Variants in PAK1IP1 observed in about 807,000 individuals in gnomAD.
PAK1IP1 encodes p21-activated protein kinase-interacting protein 1.
PAK1IP1 carries 24 observed loss-of-function variants against 42.0 expected under a neutral mutation model. The observed-to-expected ratio is 0.57, with a 90% CI of 0.41 to 0.80. PAK1IP1 has a LOEUF of 0.80. Ranked by LOEUF, PAK1IP1 falls within the 30% of genes least tolerant of loss-of-function variation. PAK1IP1 has a pLI of 0.00. For missense variants in PAK1IP1, 411 were observed against 467.9 expected (o/e 0.88, Z 1.12); for synonymous variants, 154 against 156.7 (o/e 0.98, Z 0.13).
In PAK1IP1 at chr6:10,704,794, T is replaced by G. The variant is rs1248330092; in HGVS notation, c.690T>G (p.Phe230Leu). Reference sequence around the variant, plus strand: ...GAGATGAAGAAGTTATAAGGTTTTTTGACTGTGATTCACTAGTGTGCCTCT... The same window carrying G: ...GAGATGAAGAAGTTATAAGGTTTTTGGACTGTGATTCACTAGTGTGCCTCT... ...VAGDEEVIRFFDCDSLVCLCE... is the reference protein window; with the variant it reads ...VAGDEEVIRFLDCDSLVCLCE... Residue 230 changes from phenylalanine to leucine, a missense_variant, in exon 7 of 10, where the codon TTT becomes TTG. Phe to Leu is a conservative substitution (Grantham distance 22). Transcript: ENST00000379568. 13 of 1,613,930 alleles carry G rather than the reference T, an allele frequency of 8.1e-6. No individual in the cohort carries two copies. Among genetic ancestry groups the G allele is most frequent in the Non-Finnish European group, 1.1e-5 (13 of 1,179,772 alleles).
chr6:10,699,108 G>C (rs1769947548), intron 2 of PAK1IP1, among the ~76,000 whole-genome samples: 1 of 150,888 alleles, frequency 6.6e-6, no homozygotes, highest in Non-Finnish European at 1.5e-5. Flanking sequence ...GCTGAGGCAG[G>C]AGAATCGCTT....
intron 2 of PAK1IP1, among the ~76,000 whole-genome samples, chr6:10,698,694 C>A (rs532932889): frequency 3.3e-5 from 5 of 152,154 alleles, no homozygotes; most frequent in Non-Finnish European, 7.3e-5. Flanking sequence ...AGAACCCCAA[C>A]AGAAGGACTG....
At chr6:10,699,200 CAA>C (rs796680429) in intron 2 of PAK1IP1, among the ~76,000 whole-genome samples, 82 of 55,386 alleles carry the variant, frequency 1.5e-3, no homozygotes, top group African/African-American at 3.1e-3. Context: ...GACTCTGTCT[CAA>C]AAAAAAAAAA....
chr6:10,697,223 A>G, intron 1 of PAK1IP1, 101 bp from the exon 2 acceptor site: 1 of 945,190 alleles, frequency 1.1e-6, no homozygotes. Context: ...ATCTTTTCAG[A>G]AACAGATAAA....
chr6:10,694,589 A>AAT, upstream of PAK1IP1: 1 of 178,142 alleles, frequency 5.6e-6, no homozygotes. Flanking sequence ...TGCCGGCGCT[A>AAT]CAGCCCCTAA....
At chr6:10,703,968 C>T (rs9467298) in intron 5 of PAK1IP1, among the ~76,000 whole-genome samples, 2,593 of 152,136 alleles carry the variant, frequency 0.017, 75 homozygotes, top group African/African-American at 0.059. Flanking sequence ...TTTTGTGGCT[C>T]TGCCACCTGC....
At chr6:10,703,498 T>C in intron 5 of PAK1IP1, 41 bp downstream of exon 5, 1 of 1,433,652 alleles carries the variant, frequency 7.0e-7, no homozygotes, top group Non-Finnish European at 9.7e-7. Flanking sequence ...GCATTCCTAA[T>C]CTGGAAATCT....
At chr6:10,697,035 T>C (rs1332127842) in intron 1 of PAK1IP1, among the ~76,000 whole-genome samples, 2 of 152,198 alleles carry the variant, frequency 1.3e-5, no homozygotes, top group East Asian at 3.8e-4. Context: ...CTTAGTCCAG[T>C]CTCCATTACT....
At chr6:10,702,290 C>T (rs1479310347) in intron 2 of PAK1IP1, 79 bp from the exon 3 acceptor site, 1 of 1,194,598 alleles carries the variant, frequency 8.4e-7, no homozygotes, top group African/African-American at 1.5e-5. Flanking sequence ...TTTTACTTAG[C>T]ATAGCATAGC....
In PAK1IP1 at chr6:10,704,437, A is replaced by G. The variant is rs1770136690; in HGVS notation, c.497-70A>G. 21 of 882,042 alleles carry G rather than the reference A, an allele frequency of 2.4e-5. No individual in the cohort carries two copies. In the South Asian group the frequency reaches 3.3e-4, roughly 14 times the overall value. 54.6% of individuals were successfully genotyped at this position (882,042 alleles called of 1,614,324 possible). A position where few individuals can be genotyped will look rare whatever the true frequency, so the allele number is the denominator to read the frequency against. Reference sequence around the variant, plus strand: ...AAAATGCACAGTATAAATATTTGCTATTTTTATTACTATGATCATTTTATG... The same window carrying G: ...AAAATGCACAGTATAAATATTTGCTGTTTTTATTACTATGATCATTTTATG... On this transcript the variant is annotated intron_variant, in intron 5 of 9. Coordinates refer to ENST00000379568, the MANE Select transcript of PAK1IP1 (RefSeq NM_017906.3).
chr6:10,706,177 G>C (rs2127481466), intron 7 of PAK1IP1, among the ~76,000 whole-genome samples: 1 of 152,184 alleles, frequency 6.6e-6, no homozygotes, highest in South Asian at 2.1e-4. Context: ...AATTGGTTTA[G>C]ATAGGATGAT....
intron 7 of PAK1IP1, among the ~76,000 whole-genome samples, chr6:10,706,928 G>A (rs1282516667): frequency 1.3e-5 from 2 of 151,884 alleles, no homozygotes; most frequent in East Asian, 3.9e-4. Flanking sequence ...AAAGAAAATT[G>A]TTAAGGGGCA....
At position 10,708,990 on chromosome 6, in the gene PAK1IP1, A is replaced by T. The variant is rs866669053; in HGVS notation, c.878A>T (p.Asn293Ile). 6.2e-7 allele frequency: 1 copy of T among 1,612,164 alleles called. No individual in the cohort carries two copies. The highest frequency in any genetic ancestry group is 1.3e-5 in the African/African-American group (1 of 75,012). ...TCTTTACTCTGTGAAATAAACACTA[A>T]TGCCAGGCTGACGTGTCTTGGAGTG... Reference protein sequence around the residue: ...PPSLLCEINTNARLTCLGVWL... With the variant: ...PPSLLCEINTIARLTCLGVWL... Residue 293 changes from asparagine to isoleucine, a missense_variant, in exon 9 of 10, where the codon AAT (asparagine) becomes ATT (isoleucine). Transcript: ENST00000379568.
chr6:10,699,484 G>A (rs146346391), intron 2 of PAK1IP1, among the ~76,000 whole-genome samples: 43 of 152,302 alleles, frequency 2.8e-4, no homozygotes, highest in Non-Finnish European at 4.6e-4. Context: ...TACAGTTCCC[G>A]GCTTGTGGTT....
At chr6:10,703,206 A>C (rs1333122130) in intron 4 of PAK1IP1, among the ~76,000 whole-genome samples, 199 bp from the exon 5 acceptor site, 1 of 152,154 alleles carries the variant, frequency 6.6e-6, no homozygotes, top group Non-Finnish European at 1.5e-5. Flanking sequence ...TGGATACGAG[A>C]TGTTAAAGGG....
chr6:10,700,980 C>T (rs941198990), intron 2 of PAK1IP1, among the ~76,000 whole-genome samples: 2 of 152,124 alleles, frequency 1.3e-5, no homozygotes, highest in African/African-American at 2.4e-5. Flanking sequence ...CTCTCCTTCC[C>T]GCAACCCTTC....
In PAK1IP1 at chr6:10,695,015, G is replaced by C. The variant is rs376060945; in HGVS notation, c.30G>C (p.Gln10His). 1 of 1,602,632 alleles carries C rather than the reference G, an allele frequency of 6.2e-7. No individual in the cohort carries two copies. The highest frequency in any genetic ancestry group is 8.5e-7 in the Non-Finnish European group (1 of 1,179,696). Residue 10 changes from glutamine to histidine, a missense_variant, in exon 1 of 10, where the codon CAG becomes CAC. Transcript: ENST00000379568. ...AGCTGGTCGCTGGTTGCTACGAGCA[G>C]GTCCTCTTTGGGTTCGCTGTACACC... is the stretch of plus-strand genomic sequence containing the variant. Reference protein sequence around the residue: MELVAGCYEQVLFGFAVHPE... With the variant: MELVAGCYEHVLFGFAVHPE...
Position 10,702,333 on chromosome 6 carries a change from T to C in PAK1IP1, c.248-36T>C, listed in dbSNP as rs765129885. On this transcript the variant is annotated intron_variant, in intron 2 of 9. Transcript: ENST00000379568. The stretch of plus-strand genomic sequence containing the variant: ...TCAGAAATGGAGTTTGCATTTAAAA[T>C]GAATATTATTTTTGCCTATTTTGGT... 5 of 1,566,714 alleles carry C rather than the reference T, an allele frequency of 3.2e-6. No homozygotes were observed. In the African/African-American group the frequency reaches 6.8e-5, roughly 21 times the overall value.
chr6:10,691,489 C>G (rs1232942144), upstream of PAK1IP1, among the ~76,000 whole-genome samples: 1 of 152,142 alleles, frequency 6.6e-6, no homozygotes, highest in Non-Finnish European at 1.5e-5. Flanking sequence ...TATACAATGT[C>G]TCTAATCTAC....
Sources: gnomAD v4.1 joint callset for allele counts (sites outside exome capture counted in the v4.1 genomes callset) on GRCh38, gnomAD v4.1.1 for gene constraint, MANE v1.5 for transcripts, NCBI Gene and HGNC (gene_info 2026-07-23, HGNC 2026-07-21) for gene names.